The following CSMD2 variants were observed in gnomAD, a reference collection of about 807,000 sequenced individuals.
CSMD2 encodes the protein CUB and sushi domain-containing protein 2.
A neutral mutation model predicts 398.5 loss-of-function variants in CSMD2; 130 were observed. The observed-to-expected ratio is 0.33, with a 90% CI of 0.28 to 0.38. The LOEUF (loss-of-function observed/expected upper bound fraction) is 0.38, where lower values mean the gene tolerates loss of function less well. Among genes scored for constraint, CSMD2 ranks in the 10% least tolerant of loss-of-function variants. The pLI is 1.00. For missense variants in CSMD2, 3,829 were observed against 4,764.9 expected (o/e 0.80, Z 5.78); for synonymous variants, 1,828 against 1,908.5 (o/e 0.96, Z 1.10).
intron 3 of CSMD2, among the ~76,000 whole-genome samples, chr1:34,002,613 A>C (rs868485529): frequency 6.6e-6 from 1 of 152,210 alleles, no homozygotes; most frequent in Non-Finnish European, 1.5e-5. Context: ...TTGCATGCTA[A>C]TTAGAAGTGA....
chr1:33,727,146 T>C (rs978261041), intron 15 of CSMD2, among the ~76,000 whole-genome samples: 2 of 152,200 alleles, frequency 1.3e-5, no homozygotes, highest in African/African-American at 2.4e-5. Context: ...CAGGAGGGCA[T>C]GGGATGTGTT....
chr1:34,072,260 C>G (rs1655808829), intron 2 of CSMD2, among the ~76,000 whole-genome samples: 1 of 152,160 alleles, frequency 6.6e-6, no homozygotes, highest in Admixed American at 6.5e-5. Context: ...ATGAGGGACT[C>G]AATACTTGGG....
At chr1:33,897,068 T>C (rs930161517) in intron 5 of CSMD2, among the ~76,000 whole-genome samples, 1 of 151,938 alleles carries the variant, frequency 6.6e-6, no homozygotes, top group African/African-American at 2.4e-5. Context: ...AAAACAGTAT[T>C]GTGGAAAGGT....
In CSMD2 at chr1:33,704,613, G is replaced by T. The variant is rs1645715148; in HGVS notation, c.3577-3940C>A. 2.0e-5 allele frequency among the ~76,000 whole-genome samples: 3 copies of T among 152,268 alleles called. No individual in the cohort carries two copies. The South Asian group carries it at 6.2e-4, about 32-fold the overall frequency. ...TTGCTAATCTGTTTATAGGCTATTAGGTTGAGCCATGAAATTGCCAATATT... is the reference window on the plus strand; with the variant it reads ...TTGCTAATCTGTTTATAGGCTATTATGTTGAGCCATGAAATTGCCAATATT... On this transcript the variant is annotated intron_variant, in intron 22 of 70. Coordinates refer to ENST00000373381, the MANE Select transcript of CSMD2 (RefSeq NM_001281956.2).
intron 5 of CSMD2, among the ~76,000 whole-genome samples, chr1:33,879,648 C>T (rs10914802): frequency 0.51 from 76,888 of 151,982 alleles, 19,506 homozygotes; most frequent in Non-Finnish European, 0.55. Flanking sequence ...GTCTCTCCCC[C>T]ATTCCTGCTC....
chr1:33,580,614 G>C, intron 48 of CSMD2, 139 bp downstream of exon 48: 1 of 771,006 alleles, frequency 1.3e-6, no homozygotes, highest in South Asian at 1.9e-5. Context: ...TAGAAAAATA[G>C]GAGGTAGGGG....
In CSMD2 at chr1:33,571,601, C is replaced by T; in HGVS notation, c.7888G>A (p.Gly2630Ser). The part of the protein sequence containing the change: ...LICDPGYYYT[G>S]QRVIRCQANG... ...GCCTGACAGCGGATGACCCTTTGGC[C>T]AGTATAGTAGTAGCCAGGGTCACAG... Residue 2630 changes from glycine to serine, a missense_variant, in exon 51 of 71, where the codon GGC becomes AGC. Transcript: ENST00000373381. 1 of 1,577,954 alleles carries T rather than the reference C, an allele frequency of 6.3e-7. No homozygotes were observed. Among genetic ancestry groups the T allele is most frequent in the South Asian group, 1.2e-5 (1 of 84,826 alleles).
rs140982705 is a variant in CSMD2 at position 33,670,378 on chromosome 1, C to T, written c.4053-7286G>A. ...AATGAACGAATGGCTCACCAGCTTTCAGGGACCCCTGTGGTTCATCCAAAC... is the reference window on the plus strand; with the variant it reads ...AATGAACGAATGGCTCACCAGCTTTTAGGGACCCCTGTGGTTCATCCAAAC... On this transcript the variant is annotated intron_variant, in intron 25 of 70. Transcript: ENST00000373381. Among the ~76,000 whole-genome samples, 489 of 152,358 alleles carry T rather than the reference C, an allele frequency of 3.2e-3. 5 individuals carry two copies. Among genetic ancestry groups the T allele is most frequent in the African/African-American group, 0.011 (472 of 41,578 alleles).
intron 3 of CSMD2, among the ~76,000 whole-genome samples, chr1:33,994,716 G>C (rs1000692671): frequency 3.3e-5 from 5 of 151,980 alleles, no homozygotes; most frequent in Admixed American, 3.3e-4. Flanking sequence ...AACACTGATG[G>C]GCCCAGGAAT....
intron 44 of CSMD2, among the ~76,000 whole-genome samples, chr1:33,596,442 G>A (rs1400245733): frequency 1.3e-5 from 2 of 152,110 alleles, no homozygotes; most frequent in African/African-American, 4.8e-5. Flanking sequence ...TGCCTGACAG[G>A]TATGGATGCT....
chr1:33,714,435 G>A, intron 21 of CSMD2, 152 bp downstream of exon 21: 1 of 866,200 alleles, frequency 1.2e-6, no homozygotes, highest in Non-Finnish European at 1.8e-6. Context: ...AAGGAGGTTA[G>A]GTTACCTGCC....
At chr1:33,591,268 G>A (rs147784382) in intron 44 of CSMD2, among the ~76,000 whole-genome samples, 7 of 152,228 alleles carry the variant, frequency 4.6e-5, no homozygotes, top group African/African-American at 1.2e-4. Context: ...GATTATAGGC[G>A]TGAGCCACCA....
intron 5 of CSMD2, among the ~76,000 whole-genome samples, chr1:33,847,808 C>G (rs1396713927): frequency 6.6e-6 from 1 of 152,104 alleles, no homozygotes; most frequent in Non-Finnish European, 1.5e-5. Context: ...GTGACCTTAT[C>G]TAAAACATGG....
chr1:34,116,783 T>C (rs1055059949), intron 1 of CSMD2, among the ~76,000 whole-genome samples: 1 of 152,060 alleles, frequency 6.6e-6, no homozygotes, highest in Non-Finnish European at 1.5e-5. Flanking sequence ...ATTAAAATCA[T>C]ACCAGTTACA....
chr1:33,935,731 C>G (rs1214113497), intron 4 of CSMD2, 29 bp downstream of exon 4: 1 of 1,567,222 alleles, frequency 6.4e-7, no homozygotes, highest in Admixed American at 1.8e-5. Flanking sequence ...CACTGCCCCA[C>G]TCTGTCAGAC....
chr1:33,614,678 T>C, intron 39 of CSMD2, 58 bp from the exon 40 acceptor site: 1 of 944,924 alleles, frequency 1.1e-6, no homozygotes, highest in Non-Finnish European at 1.7e-6. Context: ...TACAGGGCCC[T>C]GCCAATGTTT....
Position 34,164,933 on chromosome 1 carries a change from C to G in CSMD2, c.165G>C (p.Leu55Phe). The change falls in exon 1 of 71, where the codon TTG becomes TTC. Residue 55 changes from leucine (L) to phenylalanine (F), a missense_variant. Leu to Phe is a conservative substitution (Grantham distance 22). Around this residue, in one of 5 missense-constraint regions of CSMD2, gnomAD observed 184 missense variants for 217.7 expected, o/e 0.85. Transcript: ENST00000373381. The surrounding 1 kb of genome is among the most constrained non-coding windows in gnomAD (Gnocchi z 6.2). The part of the protein sequence containing the change: ...PPLLLLLGCG[L>F]LSVSAAAGQN... Reference sequence around the variant, plus strand: ...CACCCGCGGCGGCCGAGACGCTGAGCAACCCACAGCCCAGCAACAGCAGCA... The same window carrying G: ...CACCCGCGGCGGCCGAGACGCTGAGGAACCCACAGCCCAGCAACAGCAGCA... 8.2e-7 allele frequency: 1 copy of G among 1,219,838 alleles called. No individual in the cohort carries two copies. The highest frequency in any genetic ancestry group is 1.0e-6 in the Non-Finnish European group (1 of 980,310). 75.6% of individuals were successfully genotyped at this position (1,219,838 alleles called of 1,614,324 possible).
chr1:33,693,072 A>G lies in CSMD2; in HGVS notation c.3926-16T>C, dbSNP rs1399025061. On this transcript the variant is annotated splice_polypyrimidine_tract_variant and intron_variant, in intron 24 of 70. Coordinates refer to ENST00000373381, the MANE Select transcript of CSMD2 (RefSeq NM_001281956.2). ...CCACACTCGGCTGAAAGAAATCCCA[A>G]AAGAGTGAGCTTCATGGGGTGGCCT... The G allele has an allele frequency of 6.3e-7, 1 of 1,584,434 alleles. No homozygotes were observed. Among genetic ancestry groups the G allele is most frequent in the South Asian group, 1.2e-5 (1 of 86,320 alleles).
chr1:33,797,532 C>T (rs370242424), intron 10 of CSMD2, among the ~76,000 whole-genome samples: 27 of 152,226 alleles, frequency 1.8e-4, no homozygotes, highest in African/African-American at 6.0e-4. Flanking sequence ...TCCCACCAGG[C>T]AGGCAGTCAG....
Sources: gnomAD v4.1 joint callset for allele counts (sites outside exome capture counted in the v4.1 genomes callset) on GRCh38, gnomAD v4.1.1 for gene constraint, gnomAD v4.1.1 regional missense constraint, Gnocchi (gnomAD v3.1) non-coding constraint, MANE v1.5 for transcripts, NCBI Gene and HGNC (gene_info 2026-07-23, HGNC 2026-07-21) for gene names.